The following JMJD1C variants were observed in gnomAD, a reference collection of about 807,000 sequenced individuals.
JMJD1C encodes the protein jumonji domain containing 1C.
In JMJD1C, 31 loss-of-function variants were observed where a neutral mutation model predicts 245.3. That is an observed-to-expected ratio of 0.13 (90% CI 0.09 to 0.17). JMJD1C has a LOEUF of 0.17. Ranked by LOEUF, JMJD1C falls within the 10% of genes least tolerant of loss-of-function variation. JMJD1C has a pLI of 1.00. For synonymous variants in JMJD1C, 1,057 were observed against 1,017.4 expected, an observed-to-expected ratio of 1.04 and a Z score of -0.74; for missense variants, 2,691 against 3,000.2, an observed-to-expected ratio of 0.90 and a Z score of 2.41.
chr10:63,360,890 T>C (rs900446049), intron 2 of JMJD1C, among the ~76,000 whole-genome samples: 3 of 152,222 alleles, frequency 2.0e-5, no homozygotes, highest in South Asian at 2.1e-4. Context: ...GATCAAGCGA[T>C]TCTCCTGCCT....
At chr10:63,287,780 G>A (rs1431937950) in intron 2 of JMJD1C, among the ~76,000 whole-genome samples, 3 of 151,284 alleles carry the variant, frequency 2.0e-5, no homozygotes, top group Non-Finnish European at 2.9e-5. Flanking sequence ...ACAGAGTCTC[G>A]CTCTGTTGCG....
At chr10:63,391,038 AAAG>A (rs1948011952) in intron 1 of JMJD1C, among the ~76,000 whole-genome samples, 1 of 152,232 alleles carries the variant, frequency 6.6e-6, no homozygotes, top group Non-Finnish European at 1.5e-5. Flanking sequence ...CCAAATTGGG[AAAG>A]AAGAAGTCAA....
intron 2 of JMJD1C, among the ~76,000 whole-genome samples, chr10:63,299,486 C>G (rs144425124): frequency 0.013 from 2,019 of 152,176 alleles, 30 homozygotes; most frequent in African/African-American, 0.034. Flanking sequence ...GCCACTGCAC[C>G]TGGCCCAGAT....
chr10:63,458,722 T>A (rs868453055), intron 1 of JMJD1C, among the ~76,000 whole-genome samples: 1,378 of 119,276 alleles, frequency 0.012, 13 homozygotes, highest in Non-Finnish European at 0.018. Context: ...GCTTTTTTTT[T>A]ATTTATTTAT....
Position 63,465,772 on chromosome 10 carries a change from G to A in JMJD1C, c.-110C>T, listed in dbSNP as rs759267498. The stretch of plus-strand genomic sequence containing the variant: ...GAGAGCGGACCGGGACACAGCAGCG[G>A]ACCCGAAAGAGCGCAGACTCGGGAC... On this transcript the variant is annotated 5_prime_UTR_variant, in exon 1 of 26. Transcript: ENST00000399262. 1.5e-6 allele frequency: 2 copies of A among 1,313,104 alleles called. No individual in the cohort carries two copies. Among genetic ancestry groups the A allele is most frequent in the African/African-American group, 1.4e-5 (1 of 70,044 alleles). 81.3% of individuals were successfully genotyped at this position (1,313,104 alleles called of 1,614,324 possible). A position where few individuals can be genotyped will look rare whatever the true frequency, so the allele number is the denominator to read the frequency against.
chr10:63,388,460 C>T (rs1947800840), intron 1 of JMJD1C, among the ~76,000 whole-genome samples: 1 of 151,812 alleles, frequency 6.6e-6, no homozygotes, highest in African/African-American at 2.4e-5. Flanking sequence ...CATCACTAGA[C>T]CAAATCTACA....
intron 2 of JMJD1C, among the ~76,000 whole-genome samples, chr10:63,374,211 A>G (rs1048816702): frequency 1.3e-5 from 2 of 152,192 alleles, no homozygotes; most frequent in Admixed American, 6.5e-5. Context: ...CAAAACCCTA[A>G]TAAGTACTAA....
chr10:63,207,869 G>A lies in JMJD1C; in HGVS notation c.3800C>T (p.Ser1267Phe). ...PKDSQANFKS[S>F]SEQSLTEMWR... The stretch of plus-strand genomic sequence containing the variant: ...CATCTCCGTCAAACTCTGTTCTGAA[G>A]AACTCTTAAAATTTGCCTGGGAGTC... Residue 1267 changes from serine (S) to phenylalanine (F), a missense_variant, in exon 10 of 26, where the codon TCT becomes TTT. Physicochemically the swap from Ser to Phe is radical, Grantham distance 155. Coordinates refer to ENST00000399262, the MANE Select transcript of JMJD1C (RefSeq NM_032776.3). 6.2e-7 allele frequency: 1 copy of A among 1,614,100 alleles called. No individual in the cohort carries two copies. Among genetic ancestry groups the A allele is most frequent in the Non-Finnish European group, 8.5e-7 (1 of 1,179,986 alleles).
At chr10:63,456,036 T>C (rs1275553642) in intron 1 of JMJD1C, among the ~76,000 whole-genome samples, 1 of 152,110 alleles carries the variant, frequency 6.6e-6, no homozygotes, top group Non-Finnish European at 1.5e-5. Flanking sequence ...TATATAACTA[T>C]GTGTATATGT....
At chr10:63,458,713 CT>C (rs1554944483) in intron 1 of JMJD1C, among the ~76,000 whole-genome samples, 1 of 5,424 alleles carries the variant, frequency 1.8e-4, no homozygotes, top group Admixed American at 3.7e-3. Flanking sequence ...TTAAATATAG[CT>C]TTTTTTTTAT....
intron 2 of JMJD1C, among the ~76,000 whole-genome samples, chr10:63,378,624 C>A (rs1946966135): frequency 6.6e-6 from 1 of 152,034 alleles, no homozygotes; most frequent in South Asian, 2.1e-4. Flanking sequence ...TTTTCTAAAG[C>A]TTTATTAATT....
intron 3 of JMJD1C, among the ~76,000 whole-genome samples, chr10:63,230,129 T>A (rs899719832): frequency 5.3e-5 from 8 of 152,166 alleles, no homozygotes; most frequent in African/African-American, 1.9e-4. Flanking sequence ...TCCCAGCACT[T>A]TGGGAGGCTG....
At position 63,207,172 on chromosome 10, in the gene JMJD1C, G is replaced by C. The variant is rs201686311; in HGVS notation, c.4497C>G (p.Ala1499=). ...LAAAQYKSSN[A]SETEPNAIKN... ...TTATAGCATTAGGTTCAGTCTCACT[G>C]GCATTACTACTTTTATACTGAGCTG... is the stretch of plus-strand genomic sequence containing the variant. Residue 1499 remains alanine (A), a synonymous_variant, in exon 10 of 26, where the codon GCC becomes GCG. Transcript: ENST00000399262. 1 of 1,614,086 alleles carries C rather than the reference G, an allele frequency of 6.2e-7. No individual in the cohort carries two copies. The highest frequency in any genetic ancestry group is 1.1e-5 in the South Asian group (1 of 91,074).
At chr10:63,277,655 C>T (rs947230797) in intron 2 of JMJD1C, among the ~76,000 whole-genome samples, 8 of 148,802 alleles carry the variant, frequency 5.4e-5, no homozygotes, top group Non-Finnish European at 1.2e-4. Context: ...AATGGATAAT[C>T]AGTATAATGA....
intron 24 of JMJD1C, among the ~76,000 whole-genome samples, chr10:63,169,595 T>C (rs1195861960): frequency 2.0e-5 from 3 of 152,084 alleles, no homozygotes; most frequent in African/African-American, 7.2e-5. Context: ...CTAGAATTCC[T>C]CCTCTGGGCA....
rs754560747 is a variant in JMJD1C at position 63,176,340 on chromosome 10, A to C, written c.7358T>G (p.Phe2453Cys). ...TGGCAAAACAATAGCATCACCAAGG[A>C]ACTGAATAAGAGTACAGGTTCTGAC... ...YGVRTCTLIQ[F>C]LGDAIVLPAG... The change falls in exon 24 of 26, where the codon TTC (phenylalanine) becomes TGC (cysteine). Residue 2453 changes from phenylalanine (F) to cysteine (C), a missense_variant. Physicochemically the swap from Phe to Cys is radical, Grantham distance 205. Coordinates refer to ENST00000399262, the MANE Select transcript of JMJD1C (RefSeq NM_032776.3). 1 of 1,613,920 alleles carries C rather than the reference A, an allele frequency of 6.2e-7. No homozygotes were observed. Among genetic ancestry groups the C allele is most frequent in the Non-Finnish European group, 8.5e-7 (1 of 1,179,874 alleles).
chr10:63,503,792 C>T (rs559424869), intron 1 of JMJD1C, among the ~76,000 whole-genome samples: 33 of 152,156 alleles, frequency 2.2e-4, no homozygotes, highest in Non-Finnish European at 2.1e-4. Context: ...GATTAATTTG[C>T]CTTTGACAAC....
intron 2 of JMJD1C, among the ~76,000 whole-genome samples, chr10:63,337,863 A>G (rs867149632): frequency 1.3e-5 from 2 of 152,292 alleles, no homozygotes; most frequent in Middle Eastern, 3.4e-3. Context: ...ATCTCTTCGC[A>G]AAGTATTTGA....
At chr10:63,353,977 A>C (rs186391456) in intron 2 of JMJD1C, among the ~76,000 whole-genome samples, 105 of 152,216 alleles carry the variant, frequency 6.9e-4, no homozygotes, top group African/African-American at 2.3e-3. Flanking sequence ...GGTAGCTGGA[A>C]CTACAGGCAC....
Sources: allele counts gnomAD v4.1 joint callset (sites outside exome capture counted in the v4.1 genomes callset), GRCh38; gene constraint gnomAD v4.1.1; transcripts MANE v1.5; gene names NCBI Gene and HGNC (gene_info 2026-07-23, HGNC 2026-07-21).